The following DDAH1 variants were observed in gnomAD, a reference collection of about 807,000 sequenced individuals.
DDAH1 encodes N(G),N(G)-dimethylarginine dimethylaminohydrolase 1.
In DDAH1, 19 loss-of-function variants were observed where a neutral mutation model predicts 28.8. The ratio of observed to expected loss-of-function variants is 0.66; its 90% CI spans 0.46 to 0.97. The LOEUF (loss-of-function observed/expected upper bound fraction) is 0.97, where lower values mean the gene tolerates loss of function less well. Ranked by LOEUF, DDAH1 falls within the 50% of genes least tolerant of loss-of-function variation. The pLI, the probability that DDAH1 is intolerant of heterozygous loss-of-function variation, is 0.00. For synonymous variants in DDAH1, 153 were observed against 154.4 expected, an observed-to-expected ratio of 0.99 and a Z score of 0.07; for missense variants, 326 against 375.9, an observed-to-expected ratio of 0.87 and a Z score of 1.10.
intron 1 of DDAH1, among the ~76,000 whole-genome samples, chr1:85,378,305 A>ATCTC (rs1650790969): frequency 6.6e-6 from 1 of 152,222 alleles, no homozygotes; most frequent in Admixed American, 6.5e-5. Flanking sequence ...ATTAATAAAA[A>ATCTC]TCTCTAGTAA....
At chr1:85,480,642 G>A (rs1439282311) in intron 2 of DDAH1, among the ~76,000 whole-genome samples, 4 of 152,128 alleles carry the variant, frequency 2.6e-5, no homozygotes, top group Admixed American at 2.0e-4. Context: ...CTACTCAGGG[G>A]ACTAAGGGAT....
At chr1:85,417,335 T>C (rs1375614317) in intron 1 of DDAH1, among the ~76,000 whole-genome samples, 2 of 152,116 alleles carry the variant, frequency 1.3e-5, no homozygotes, top group East Asian at 1.9e-4. Context: ...AAGTCAGGCC[T>C]GGCTGTGTGC....
At chr1:85,553,211 A>G (rs1658851507) in intron 1 of DDAH1, among the ~76,000 whole-genome samples, 1 of 152,186 alleles carries the variant, frequency 6.6e-6, no homozygotes, top group East Asian at 1.9e-4. Context: ...CTGGGTACCA[A>G]TAAGTGACCT....
upstream of DDAH1, among the ~76,000 whole-genome samples, chr1:85,467,100 G>A (rs1319093866): frequency 6.6e-6 from 1 of 152,222 alleles, no homozygotes; most frequent in South Asian, 2.1e-4. Flanking sequence ...GCCTCCCAAC[G>A]TGCTGGGATT....
At position 85,525,972 on chromosome 1, in the gene DDAH1, T is replaced by C. The variant is rs1657858445; in HGVS notation, c.-122-29691A>G. On this transcript the variant is annotated intron_variant, in intron 1 of 6. Transcript: ENST00000426972. ...TCCTACTCCCAATAATTTGCTAGGG[T>C]TATTTTTAGGTAACTGTGTCTTACA... 3.9e-5 allele frequency among the ~76,000 whole-genome samples: 6 copies of C among 152,218 alleles called. No homozygotes were observed. In the South Asian group the frequency reaches 1.2e-3, roughly 31 times the overall value.
At chr1:85,501,695 A>G (rs1230162545) in intron 1 of DDAH1, among the ~76,000 whole-genome samples, 1 of 152,174 alleles carries the variant, frequency 6.6e-6, no homozygotes, top group East Asian at 1.9e-4. Flanking sequence ...CAAGGGTTTC[A>G]TCTCATGTGT....
chr1:85,394,223 G>A (rs1570478478), intron 1 of DDAH1, among the ~76,000 whole-genome samples: 2 of 152,166 alleles, frequency 1.3e-5, no homozygotes, highest in South Asian at 2.1e-4. Context: ...TTTCTCATGA[G>A]ACTAGGTTAA....
chr1:85,486,114 G>A (rs1656196238), intron 2 of DDAH1, among the ~76,000 whole-genome samples: 1 of 152,184 alleles, frequency 6.6e-6, no homozygotes, highest in Non-Finnish European at 1.5e-5. Context: ...GCGTATCTGA[G>A]GTTTGAGCTG....
intron 1 of DDAH1, among the ~76,000 whole-genome samples, chr1:85,512,381 A>C (rs1657276024): frequency 6.6e-6 from 1 of 152,228 alleles, no homozygotes; most frequent in Non-Finnish European, 1.5e-5. Context: ...TGACAAACCC[A>C]TAACCAATAT....
At position 85,374,916 on chromosome 1, in the gene DDAH1, T is replaced by G. The variant is rs536516858; in HGVS notation, c.304-16069A>C. ...ATAAAATAAGTAAAGCTCCTTGTAT[T>G]GAATTTTAGAGTACTTCAAGACCTA... On this transcript the variant is annotated intron_variant, in intron 1 of 5. Transcript: ENST00000284031. Among the ~76,000 whole-genome samples, 27 of 152,308 alleles carry G rather than the reference T, an allele frequency of 1.8e-4. No individual in the cohort carries two copies. In the South Asian group the frequency reaches 5.2e-3, roughly 29 times the overall value.
At chr1:85,477,990 A>T (rs1346323266) in intron 2 of DDAH1, among the ~76,000 whole-genome samples, 1 of 152,140 alleles carries the variant, frequency 6.6e-6, no homozygotes, top group African/African-American at 2.4e-5. Context: ...CTGCCAACTC[A>T]AAATCTCCTA....
At chr1:85,406,876 TA>T (rs1468789139) in intron 1 of DDAH1, among the ~76,000 whole-genome samples, 1 of 152,014 alleles carries the variant, frequency 6.6e-6, no homozygotes, top group Non-Finnish European at 1.5e-5. Flanking sequence ...AGCTTTAAAA[TA>T]AAATGCTATA....
intron 1 of DDAH1, among the ~76,000 whole-genome samples, chr1:85,533,604 A>G (rs1658166502): frequency 6.6e-6 from 1 of 152,236 alleles, no homozygotes; most frequent in Non-Finnish European, 1.5e-5. Flanking sequence ...GGTGAACTTG[A>G]GAATTTGCAC....
intron 1 of DDAH1, among the ~76,000 whole-genome samples, chr1:85,431,127 C>G (rs527728600): frequency 6.6e-6 from 1 of 152,108 alleles, no homozygotes; most frequent in East Asian, 1.9e-4. Context: ...ATCCAAGGCC[C>G]TTTCTGCATG....
intron 1 of DDAH1, among the ~76,000 whole-genome samples, chr1:85,548,349 A>G (rs1658687687): frequency 6.6e-6 from 1 of 152,192 alleles, no homozygotes; most frequent in Non-Finnish European, 1.5e-5. Context: ...TAACTAACTC[A>G]CCCTTTAGTT....
At chr1:85,409,136 A>AT (rs142218761) in intron 1 of DDAH1, among the ~76,000 whole-genome samples, 29 of 151,428 alleles carry the variant, frequency 1.9e-4, no homozygotes, top group East Asian at 5.8e-4. Flanking sequence ...TTTTTTGATG[A>AT]TTTTTTTTTA....
chr1:85,338,951 G>A lies in DDAH1; in HGVS notation c.597+11464C>T, dbSNP rs1395352838. 3.3e-5 allele frequency among the ~76,000 whole-genome samples: 5 copies of A among 150,152 alleles called. No homozygotes were observed. The East Asian group carries it at 9.7e-4, about 29-fold the overall frequency. ...AATCCCAGCTACTCAGGAGGCTGAA[G>A]AAGGAGAATTGCTTGAACCTGGGAG... On this transcript the variant is annotated intron_variant, in intron 4 of 5. Coordinates refer to ENST00000284031, the MANE Select transcript of DDAH1 (RefSeq NM_012137.4).
intron 1 of DDAH1, among the ~76,000 whole-genome samples, chr1:85,417,144 G>C (rs945771017): frequency 3.9e-5 from 6 of 152,206 alleles, no homozygotes; most frequent in Admixed American, 3.3e-4. Context: ...TATGATTTTA[G>C]TGAAGGGACT....
intron 1 of DDAH1, among the ~76,000 whole-genome samples, chr1:85,386,494 G>A (rs113008842): frequency 7.9e-5 from 12 of 152,214 alleles, no homozygotes; most frequent in East Asian, 1.9e-4. Context: ...AGAGCACACC[G>A]GTGCAAGGGG....
Sources: allele counts gnomAD v4.1 joint callset (sites outside exome capture counted in the v4.1 genomes callset), GRCh38; gene constraint gnomAD v4.1.1; transcripts MANE v1.5; gene names NCBI Gene and HGNC (gene_info 2026-07-23, HGNC 2026-07-21).